The following CNTNAP4 variants were observed in gnomAD, a reference collection of about 807,000 sequenced individuals.
The protein encoded by CNTNAP4 is contactin associated protein family member 4.
CNTNAP4 carries 98 observed loss-of-function variants against 148.4 expected under a neutral mutation model. The ratio of observed to expected loss-of-function variants is 0.66; its 90% CI spans 0.56 to 0.78. CNTNAP4 has a LOEUF of 0.78. CNTNAP4 is among the 30% of genes least tolerant of loss of function. The pLI is 0.00. For missense variants in CNTNAP4, 1,935 were observed against 1,565.6 expected (o/e 1.24, Z -3.98); for synonymous variants, 730 against 565.1 (o/e 1.29, Z -4.14).
At chr16:76,530,504 A>G (rs2083930948) in intron 17 of CNTNAP4, among the ~76,000 whole-genome samples, 2 of 152,146 alleles carry the variant, frequency 1.3e-5, no homozygotes, top group South Asian at 2.1e-4. Context: ...TCATCAGTGA[A>G]CAACAGCTGA....
intron 1 of CNTNAP4, 115 bp from the exon 2 acceptor site, chr16:76,316,298 G>A: frequency 1.4e-6 from 1 of 737,838 alleles, no homozygotes; most frequent in Non-Finnish European, 2.5e-6. Context: ...TATTTTTAGA[G>A]ATCTTAGATC....
intron 21 of CNTNAP4, among the ~76,000 whole-genome samples, chr16:76,551,844 A>G (rs1055722726): frequency 6.6e-6 from 1 of 152,182 alleles, no homozygotes; most frequent in African/African-American, 2.4e-5. Context: ...GTTGCCCTGA[A>G]TATACACTCC....
At chr16:76,362,279 TG>T (rs1329625356) in intron 3 of CNTNAP4, among the ~76,000 whole-genome samples, 1 of 152,164 alleles carries the variant, frequency 6.6e-6, no homozygotes. Context: ...AAAAAATTTC[TG>T]TGTTCATGGA....
At chr16:76,311,691 C>T (rs1237973036) in intron 1 of CNTNAP4, among the ~76,000 whole-genome samples, 1 of 152,102 alleles carries the variant, frequency 6.6e-6, no homozygotes, top group East Asian at 1.9e-4. Context: ...CATTTCTTCT[C>T]TAATTGAAAG....
chr16:76,309,302 C>G (rs975109607), intron 1 of CNTNAP4, among the ~76,000 whole-genome samples: 1 of 151,892 alleles, frequency 6.6e-6, no homozygotes, highest in Admixed American at 6.6e-5. Flanking sequence ...GGAAATCAAG[C>G]AGAGGCTGTT....
At chr16:76,305,836 G>A (rs1207889801) in intron 1 of CNTNAP4, among the ~76,000 whole-genome samples, 3 of 152,144 alleles carry the variant, frequency 2.0e-5, no homozygotes, top group African/African-American at 7.2e-5. Context: ...GTAGTCTGCA[G>A]TGTCAGCTGT....
chr16:76,469,039 ACT>A (rs2081277653), intron 10 of CNTNAP4, among the ~76,000 whole-genome samples: 1 of 152,140 alleles, frequency 6.6e-6, no homozygotes, highest in African/African-American at 2.4e-5. Context: ...CAACAAAAAG[ACT>A]CTTCTATTTA....
At chr16:76,370,588 C>CGTCACT (rs1465308510) in intron 3 of CNTNAP4, among the ~76,000 whole-genome samples, 2 of 152,184 alleles carry the variant, frequency 1.3e-5, no homozygotes, top group African/African-American at 4.8e-5. Flanking sequence ...ACACAGTCCA[C>CGTCACT]GTCACTCAGC....
In CNTNAP4 at chr16:76,540,746, C is replaced by T. The variant is rs774459044; in HGVS notation, c.3398C>T (p.Thr1133Ile). 75 of 1,577,634 alleles carry T rather than the reference C, an allele frequency of 4.8e-5. No homozygotes were observed. The South Asian group carries it at 8.3e-4, about 17-fold the overall frequency. The change falls in exon 21 of 24, where the codon ACA (threonine) becomes ATA (isoleucine). Residue 1133 changes from threonine (T) to isoleucine (I), a missense_variant. Thr to Ile is a moderately conservative substitution (Grantham distance 89). Transcript: ENST00000611870. ...AGACAAGTTCACCTGTCATCAGGCA[C>T]AGAATTCAGTGCAGTCAAATCTCTG... ...RRRQVHLSSG[T>I]EFSAVKSLVL... is the part of the protein sequence containing the mutation.
chr16:76,382,060 C>CAAAAAAAAA (rs67028367), intron 3 of CNTNAP4, among the ~76,000 whole-genome samples: 1 of 53,316 alleles, frequency 1.9e-5, no homozygotes, highest in African/African-American at 7.6e-5. Flanking sequence ...GACTCCGTCT[C>CAAAAAAAAA]AAAAAAAAAA....
intron 3 of CNTNAP4, among the ~76,000 whole-genome samples, chr16:76,420,286 A>AGAATATAC (rs1262105486): frequency 6.6e-6 from 1 of 151,526 alleles, no homozygotes; most frequent in Admixed American, 6.6e-5. Flanking sequence ...GATAAATATT[A>AGAATATAC]ATTTCCCTTT....
intron 9 of CNTNAP4, among the ~76,000 whole-genome samples, chr16:76,466,435 G>A (rs2081178379): frequency 6.6e-6 from 1 of 152,088 alleles, no homozygotes; most frequent in South Asian, 2.1e-4. Flanking sequence ...AAGGATAAAT[G>A]CTTTAGAAGA....
chr16:76,432,893 T>C (rs1310098604), intron 4 of CNTNAP4, among the ~76,000 whole-genome samples: 2 of 152,158 alleles, frequency 1.3e-5, no homozygotes, highest in Non-Finnish European at 2.9e-5. Context: ...GCCATGATTT[T>C]ATGATTTTTC....
At chr16:76,293,351 C>T (rs891862304) in intron 1 of CNTNAP4, among the ~76,000 whole-genome samples, 1 of 152,080 alleles carries the variant, frequency 6.6e-6, no homozygotes, top group Admixed American at 6.5e-5. Flanking sequence ...TCTTGATGAC[C>T]TCGTGATCTC....
At chr16:76,322,040 C>T (rs1207940178) in intron 2 of CNTNAP4, among the ~76,000 whole-genome samples, 1 of 152,002 alleles carries the variant, frequency 6.6e-6, no homozygotes, top group African/African-American at 2.4e-5. Context: ...ACTGGAGATG[C>T]CCTGTACTTG....
At chr16:76,309,833 T>C (rs955780914) in intron 1 of CNTNAP4, 14 of 700,080 alleles carry the variant, frequency 2.0e-5, no homozygotes, top group African/African-American at 5.3e-5. Context: ...TGCTCAGGGG[T>C]TTCCGCTTTT....
At chr16:76,485,788 G>A (rs1438982366) in intron 12 of CNTNAP4, among the ~76,000 whole-genome samples, 1 of 152,086 alleles carries the variant, frequency 6.6e-6, no homozygotes, top group Non-Finnish European at 1.5e-5. Flanking sequence ...CAATAATAAA[G>A]GCCTTCTTAA....
intron 23 of CNTNAP4, among the ~76,000 whole-genome samples, chr16:76,554,465 G>A (rs932058592): frequency 5.3e-5 from 8 of 152,044 alleles, no homozygotes; most frequent in African/African-American, 1.9e-4. Context: ...AACTAAAAGT[G>A]ATTAGTAGTA....
intron 3 of CNTNAP4, among the ~76,000 whole-genome samples, chr16:76,393,932 G>A (rs559688618): frequency 1.3e-5 from 2 of 152,152 alleles, no homozygotes; most frequent in South Asian, 2.1e-4. Flanking sequence ...TTTCATTTTC[G>A]CCAACAGAAA....
Sources: allele counts gnomAD v4.1 joint callset (sites outside exome capture counted in the v4.1 genomes callset), GRCh38; gene constraint gnomAD v4.1.1; transcripts MANE v1.5; gene names NCBI Gene and HGNC (gene_info 2026-07-23, HGNC 2026-07-21).